The following CNTNAP2 variants were observed in gnomAD, a reference collection of about 807,000 sequenced individuals.
The protein encoded by CNTNAP2 is contactin-associated protein-like 2.
In CNTNAP2, 98 loss-of-function variants were observed where a neutral mutation model predicts 155.2. The ratio of observed to expected loss-of-function variants is 0.63; its 90% CI spans 0.54 to 0.75. CNTNAP2 has a LOEUF of 0.75. Among genes scored for constraint, CNTNAP2 ranks in the 30% least tolerant of loss-of-function variants. CNTNAP2 has a pLI of 0.00. For synonymous variants in CNTNAP2, 651 were observed against 631.2 expected (o/e 1.03, Z -0.47); for missense variants, 1,727 against 1,688.1 (o/e 1.02, Z -0.40).
At chr7:146,327,069 A>G (rs955589376) in intron 1 of CNTNAP2, among the ~76,000 whole-genome samples, 2 of 152,150 alleles carry the variant, frequency 1.3e-5, no homozygotes, top group African/African-American at 4.8e-5. Flanking sequence ...CTGACATGGT[A>G]ATAATATAGA....
chr7:147,346,761 A>G (rs1309156822), intron 9 of CNTNAP2, among the ~76,000 whole-genome samples: 1 of 152,170 alleles, frequency 6.6e-6, no homozygotes. Context: ...TTAATTTTCA[A>G]CCTTCAAAGA....
At chr7:148,302,518 C>CTGTG (rs1797412465) in intron 21 of CNTNAP2, among the ~76,000 whole-genome samples, 2 of 152,100 alleles carry the variant, frequency 1.3e-5, no homozygotes, top group Non-Finnish European at 2.9e-5. Context: ...TGGTTTGACT[C>CTGTG]TGTGTCCCCA....
At chr7:146,737,716 A>C (rs972689140) in intron 1 of CNTNAP2, among the ~76,000 whole-genome samples, 1 of 152,052 alleles carries the variant, frequency 6.6e-6, no homozygotes, top group Non-Finnish European at 1.5e-5. Flanking sequence ...TCTTTTGAGA[A>C]ATGCCTATTC....
At chr7:147,061,277 C>T (rs1799664529) in intron 4 of CNTNAP2, among the ~76,000 whole-genome samples, 1 of 151,510 alleles carries the variant, frequency 6.6e-6, no homozygotes, top group Admixed American at 6.6e-5. Context: ...TGTGTTTTTA[C>T]CATTGTAAAA....
rs555778305 is a variant in CNTNAP2, at chr7:147,165,051, A to G, written c.1348+32542A>G. Among the ~76,000 whole-genome samples, 13 of 152,350 alleles carry G rather than the reference A, an allele frequency of 8.5e-5. No homozygotes were observed. In the East Asian group the frequency reaches 2.5e-3, roughly 29 times the overall value. On this transcript the variant is annotated intron_variant, in intron 8 of 23. Coordinates refer to ENST00000361727, the MANE Select transcript of CNTNAP2 (RefSeq NM_014141.6). ...CTATTGAGTTGGAATATCAATCTAC[A>G]TATTATTTGAAAGCTTGAACAAGAG...
At chr7:146,429,139 A>G (rs1796135698) in intron 1 of CNTNAP2, among the ~76,000 whole-genome samples, 1 of 152,044 alleles carries the variant, frequency 6.6e-6, no homozygotes, top group Non-Finnish European at 1.5e-5. Context: ...GTAGCCTTGT[A>G]GTATAGTTTG....
rs1180526889 is a variant in CNTNAP2, at chr7:147,353,110, T to TGTATATGTATATATACATACATATAC, written c.1499-42489_1499-42464dup. On this transcript the variant is annotated intron_variant, in intron 9 of 23. Transcript: ENST00000361727. ...ATATATATATAGACACACACACACATGTATATGTATATATACATACATATA... is the reference window on the plus strand; with the variant it reads ...ATATATATATAGACACACACACACATGTATATGTATATATACATACATATACGTATATGTATATATACATACATATA... Among the ~76,000 whole-genome samples, 939 of 150,444 alleles carry TGTATATGTATATATACATACATATAC rather than the reference T, an allele frequency of 6.2e-3. 10 individuals are homozygous for TGTATATGTATATATACATACATATAC. Among genetic ancestry groups the TGTATATGTATATATACATACATATAC allele is most frequent in the African/African-American group, 0.021 (871 of 40,688 alleles).
At chr7:148,342,810 G>T (rs2116583643) in intron 21 of CNTNAP2, among the ~76,000 whole-genome samples, 1 of 152,308 alleles carries the variant, frequency 6.6e-6, no homozygotes, top group East Asian at 1.9e-4. Flanking sequence ...AGCCCTTTTA[G>T]AAACAAAAAC....
At chr7:146,551,915 G>T (rs767970319) in intron 1 of CNTNAP2, among the ~76,000 whole-genome samples, 3 of 152,032 alleles carry the variant, frequency 2.0e-5, no homozygotes, top group Non-Finnish European at 4.4e-5. Flanking sequence ...CAGCTCATAT[G>T]ATGTAATCAT....
chr7:147,540,838 AAG>A (rs1799626037), intron 11 of CNTNAP2, among the ~76,000 whole-genome samples: 1 of 151,962 alleles, frequency 6.6e-6, no homozygotes, highest in Non-Finnish European at 1.5e-5. Flanking sequence ...TCAAAAAAAA[AAG>A]AAACAAGTTA....
intron 13 of CNTNAP2, among the ~76,000 whole-genome samples, chr7:147,652,795 T>C (rs554135991): frequency 6.6e-6 from 1 of 152,072 alleles, no homozygotes; most frequent in African/African-American, 2.4e-5. Flanking sequence ...GGCAACCTAA[T>C]AAGTTAATCA....
intron 1 of CNTNAP2, among the ~76,000 whole-genome samples, chr7:146,463,540 A>G (rs1358368184): frequency 2.0e-5 from 3 of 152,098 alleles, no homozygotes; most frequent in African/African-American, 4.8e-5. Context: ...CACAGTATAC[A>G]AGTAATATAT....
At chr7:147,364,262 CTG>C (rs1796190209) in intron 9 of CNTNAP2, among the ~76,000 whole-genome samples, 1 of 152,176 alleles carries the variant, frequency 6.6e-6, no homozygotes, top group South Asian at 2.1e-4. Flanking sequence ...ATGAGTGTCA[CTG>C]TGTAATATTG....
chr7:147,306,693 A>G (rs1444804645), intron 9 of CNTNAP2, among the ~76,000 whole-genome samples: 1 of 152,204 alleles, frequency 6.6e-6, no homozygotes, highest in Non-Finnish European at 1.5e-5. Context: ...ACACCCAGCT[A>G]AGACTTGGGG....
chr7:148,284,434 G>C (rs1034423077), intron 21 of CNTNAP2, among the ~76,000 whole-genome samples: 1 of 151,990 alleles, frequency 6.6e-6, no homozygotes, highest in Non-Finnish European at 1.5e-5. Flanking sequence ...CAGCCATGTG[G>C]AACTGTGAGT....
At chr7:146,744,553 T>C (rs1359161085) in intron 1 of CNTNAP2, among the ~76,000 whole-genome samples, 1 of 152,162 alleles carries the variant, frequency 6.6e-6, no homozygotes, top group African/African-American at 2.4e-5. Flanking sequence ...AAGGAGCAAA[T>C]TGCTTCTCTC....
At chr7:147,170,270 G>A (rs1802200264) in intron 8 of CNTNAP2, among the ~76,000 whole-genome samples, 1 of 152,082 alleles carries the variant, frequency 6.6e-6, no homozygotes, top group Non-Finnish European at 1.5e-5. Context: ...TTAGAGCTAT[G>A]GGTGGTAGAT....
intron 13 of CNTNAP2, among the ~76,000 whole-genome samples, chr7:147,702,199 C>T (rs1458719841): frequency 6.6e-6 from 1 of 151,762 alleles, no homozygotes; most frequent in Non-Finnish European, 1.5e-5. Flanking sequence ...GTCGGATCCA[C>T]CTCTACAAGA....
Position 148,405,420 on chromosome 7 carries a change from A to ATTTTTTT in CNTNAP2, c.3716-3951_3716-3945dup, listed in dbSNP as rs36020816. On this transcript the variant is annotated intron_variant, in intron 22 of 23. Transcript: ENST00000361727. ...TCAAGGGAACCAGATTACCATTGTAATTTTTTTTTTTTTTTTTTTTTTTTT... is the reference window on the plus strand; with the variant it reads ...TCAAGGGAACCAGATTACCATTGTAATTTTTTTTTTTTTTTTTTTTTTTTTTTTTTTT... 7.6e-4 allele frequency among the ~76,000 whole-genome samples: 49 copies of ATTTTTTT among 64,308 alleles called. 11 individuals carry two copies. The highest frequency in any genetic ancestry group is 2.9e-3 in the African/African-American group (37 of 12,654). 42.2% of individuals were successfully genotyped at this position (64,308 alleles called of 152,430 possible). A position where few individuals can be genotyped will look rare whatever the true frequency, so the allele number is the denominator to read the frequency against.
Sources: gnomAD v4.1 joint callset for allele counts (sites outside exome capture counted in the v4.1 genomes callset) on GRCh38, gnomAD v4.1.1 for gene constraint, MANE v1.5 for transcripts, NCBI Gene and HGNC (gene_info 2026-07-23, HGNC 2026-07-21) for gene names.